Variants in MUSK observed in about 807,000 individuals in gnomAD.
MUSK encodes muscle associated receptor tyrosine kinase.
In MUSK, 55 loss-of-function variants were observed where a neutral mutation model predicts 88.7. The observed-to-expected ratio is 0.62, with a 90% CI of 0.50 to 0.78. The LOEUF is 0.78. MUSK is among the 30% of genes least tolerant of loss of function. MUSK has a pLI of 0.00. For synonymous variants in MUSK, 387 were observed against 391.9 expected, an observed-to-expected ratio of 0.99 and a Z score of 0.15; for missense variants, 1,015 against 1,074.3, an observed-to-expected ratio of 0.94 and a Z score of 0.77.
chr9:110,756,045 C>G (rs913729429), intron 7 of MUSK, among the ~76,000 whole-genome samples: 4 of 147,338 alleles, frequency 2.7e-5, no homozygotes, highest in Non-Finnish European at 6.0e-5. Flanking sequence ...CTTTTATTAT[C>G]CCCATTTCAC....
chr9:110,753,398 C>T (rs2077271590), intron 7 of MUSK, among the ~76,000 whole-genome samples: 1 of 150,572 alleles, frequency 6.6e-6, no homozygotes, highest in Non-Finnish European at 1.5e-5. Flanking sequence ...CACCACTGCA[C>T]CACGGCACTC....
chr9:110,684,827 T>A (rs1272059108), intron 2 of MUSK, among the ~76,000 whole-genome samples: 1 of 152,172 alleles, frequency 6.6e-6, no homozygotes, highest in Admixed American at 6.6e-5. Flanking sequence ...TGATTTTGTA[T>A]CCTGCAACTT....
At position 110,776,673 on chromosome 9, in the gene MUSK, T is replaced by C. The variant is rs1263819755; in HGVS notation, c.1384+18T>C. 2.5e-6 allele frequency: 4 copies of C among 1,582,124 alleles called. No homozygotes were observed. On this transcript the variant is annotated intron_variant, in intron 11 of 14. Transcript: ENST00000374448. ...CCTAAAAAGTAAGTAATTGTGTTTG[T>C]GCCCTTGAAACCTTATGTGTATGTA...
At chr9:110,674,149 A>G (rs988256276) in intron 1 of MUSK, among the ~76,000 whole-genome samples, 5 of 152,100 alleles carry the variant, frequency 3.3e-5, no homozygotes, top group Non-Finnish European at 7.4e-5. Flanking sequence ...AAAAAACTCT[A>G]TTGTGTCTGT....
rs531271698 is a variant in MUSK at position 110,764,129 on chromosome 9, C to T, written c.920+1921C>T. Reference sequence around the variant, plus strand: ...CAATATTAACTAGCATTATTAGAAGCTAGTCTGGCTGATGATTCCGAAATA... The same window carrying T: ...CAATATTAACTAGCATTATTAGAAGTTAGTCTGGCTGATGATTCCGAAATA... On this transcript the variant is annotated intron_variant, in intron 8 of 14. Coordinates refer to ENST00000374448, the MANE Select transcript of MUSK (RefSeq NM_005592.4). 4.6e-5 allele frequency among the ~76,000 whole-genome samples: 7 copies of T among 152,290 alleles called. No individual in the cohort carries two copies. In the South Asian group the frequency reaches 1.4e-3, roughly 32 times the overall value.
intron 6 of MUSK, among the ~76,000 whole-genome samples, chr9:110,747,117 GTGGTTTTGCTGATT>G (rs1241604137): frequency 1.3e-5 from 2 of 152,176 alleles, no homozygotes; most frequent in Admixed American, 6.5e-5. Context: ...GTTCAACTGG[GTGGTTTTGCTGATT>G]TGGTTTTGCT....
chr9:110,696,761 G>A (rs1270982187), intron 4 of MUSK, among the ~76,000 whole-genome samples: 1 of 152,056 alleles, frequency 6.6e-6, no homozygotes, highest in Non-Finnish European at 1.5e-5. Context: ...CATCTAGGGT[G>A]CAAGGTAAAC....
At chr9:110,736,499 G>A (rs1484821192) in intron 6 of MUSK, among the ~76,000 whole-genome samples, 2 of 152,062 alleles carry the variant, frequency 1.3e-5, no homozygotes, top group African/African-American at 2.4e-5. Flanking sequence ...AAACAGCAAG[G>A]AGACCAATGT....
At position 110,803,789 on chromosome 9, in the gene MUSK, T is replaced by TTC. The variant is rs1358338918; in HGVS notation, c.*2801_*2802insTC. Among the ~76,000 whole-genome samples the TTC allele has an allele frequency of 6.6e-6, 1 of 152,158 alleles. No homozygotes were observed. Among genetic ancestry groups the TTC allele is most frequent in the African/African-American group, 2.4e-5 (1 of 41,440 alleles). On this transcript the variant is annotated 3_prime_UTR_variant, in exon 15 of 15. Coordinates refer to ENST00000374448, the MANE Select transcript of MUSK (RefSeq NM_005592.4). ...GATCTAATGTTCTGAATCACAGGAG[T>TTC]ATAGATGCATTATTCACCAATATTG...
chr9:110,694,384 T>TGAAAAAAAA (rs1279497628), intron 3 of MUSK, among the ~76,000 whole-genome samples: 1 of 56,472 alleles, frequency 1.8e-5, no homozygotes, highest in South Asian at 6.3e-4. Context: ...AGACTCCGTC[T>TGAAAAAAAA]CAAAAAAAAA....
intron 3 of MUSK, among the ~76,000 whole-genome samples, chr9:110,689,000 A>C (rs993120091): frequency 1.4e-5 from 2 of 144,132 alleles, no homozygotes; most frequent in African/African-American, 5.0e-5. Context: ...ATATACTTAA[A>C]TATATAAAAA....
intron 9 of MUSK, among the ~76,000 whole-genome samples, chr9:110,769,278 CA>C (rs1248524440): frequency 6.6e-6 from 1 of 152,144 alleles, no homozygotes; most frequent in Non-Finnish European, 1.5e-5. Context: ...CATTCAATAA[CA>C]ACAGTATGGT....
At chr9:110,773,945 G>T (rs993000591) in intron 9 of MUSK, among the ~76,000 whole-genome samples, 1 of 152,062 alleles carries the variant, frequency 6.6e-6, no homozygotes, top group Admixed American at 6.6e-5. Context: ...TATTCTCATT[G>T]TTTTCTTTCA....
intron 5 of MUSK, chr9:110,727,666 AGGTCC>A (rs1209310693): frequency 2.1e-5 from 4 of 188,500 alleles, no homozygotes; most frequent in African/African-American, 9.4e-5. Flanking sequence ...CTGCATGTTC[AGGTCC>A]ACAAACTCAG....
At chr9:110,747,583 GAC>G in intron 6 of MUSK, 56 bp from the exon 7 acceptor site, 2 of 1,503,744 alleles carry the variant, frequency 1.3e-6, no homozygotes, top group Non-Finnish European at 9.1e-7. Context: ...CAAATCTACT[GAC>G]ATAGTATAGT....
At chr9:110,736,435 G>A (rs1014358625) in intron 6 of MUSK, among the ~76,000 whole-genome samples, 1 of 152,090 alleles carries the variant, frequency 6.6e-6, no homozygotes, top group African/African-American at 2.4e-5. Flanking sequence ...AGATAACTGG[G>A]GGAACATAAC....
At chr9:110,768,818 T>C (rs137892278) in intron 9 of MUSK, among the ~76,000 whole-genome samples, 1 of 152,342 alleles carries the variant, frequency 6.6e-6, no homozygotes, top group East Asian at 1.9e-4. Context: ...AATTCTAAGT[T>C]CTGATGCTGT....
In MUSK at chr9:110,681,086, A is replaced by AATATT. The variant is rs1564209778; in HGVS notation, c.80-1584_80-1583insTATAT. ...ATATATAATATTATATATATTATAT[A>AATATT]ATATATATTATATAATATATATTAT... On this transcript the variant is annotated intron_variant, in intron 1 of 14. Transcript: ENST00000374448. 5.7e-3 allele frequency among the ~76,000 whole-genome samples: 115 copies of AATATT among 20,322 alleles called. 14 individuals are homozygous for AATATT. Among genetic ancestry groups the AATATT allele is most frequent in the African/African-American group, 0.028 (102 of 3,696 alleles). 13.3% of individuals were successfully genotyped at this position (20,322 alleles called of 152,430 possible).
chr9:110,775,668 GCTT>G, intron 9 of MUSK, 117 bp from the exon 10 acceptor site: 1 of 900,916 alleles, frequency 1.1e-6, no homozygotes, highest in Non-Finnish European at 1.8e-6. Flanking sequence ...TCATAAACGC[GCTT>G]TTTTCAAGAA....
Sources: allele counts gnomAD v4.1 joint callset (sites outside exome capture counted in the v4.1 genomes callset), GRCh38; gene constraint gnomAD v4.1.1; transcripts MANE v1.5; gene names NCBI Gene and HGNC (gene_info 2026-07-23, HGNC 2026-07-21).